The following CSMD1 variants were observed in gnomAD, a reference collection of about 807,000 sequenced individuals.
CSMD1 encodes CUB and sushi domain-containing protein 1.
Under a neutral mutation model 417.5 loss-of-function variants are expected in CSMD1, and 213 were observed. The ratio of observed to expected loss-of-function variants is 0.51; its 90% CI spans 0.46 to 0.57. The LOEUF (loss-of-function observed/expected upper bound fraction) is 0.57, where lower values mean the gene tolerates loss of function less well. CSMD1 is among the 20% of genes least tolerant of loss of function. CSMD1 has a pLI of 0.00. For synonymous variants in CSMD1, 2,862 were observed against 1,736.8 expected (o/e 1.65, Z -16.11); for missense variants, 6,923 against 4,529.7 (o/e 1.53, Z -15.17).
chr8:3,995,569 C>T (rs1563297546), intron 5 of CSMD1, among the ~76,000 whole-genome samples: 1 of 152,184 alleles, frequency 6.6e-6, no homozygotes, highest in African/African-American at 2.4e-5. Flanking sequence ...GAAGAAAATG[C>T]CGTGGAGTCA....
intron 10 of CSMD1, among the ~76,000 whole-genome samples, chr8:3,542,269 T>C (rs1193174839): frequency 6.6e-6 from 1 of 152,210 alleles, no homozygotes; most frequent in Non-Finnish European, 1.5e-5. Flanking sequence ...CTCTTTTATG[T>C]CATCTGAAGA....
intron 12 of CSMD1, among the ~76,000 whole-genome samples, chr8:3,465,298 G>A (rs1423884637): frequency 1.3e-5 from 2 of 152,146 alleles, no homozygotes; most frequent in African/African-American, 4.8e-5. Flanking sequence ...TCCATTAACT[G>A]AGTAGACCCT....
intron 1 of CSMD1, among the ~76,000 whole-genome samples, chr8:4,801,302 A>C (rs925624270): frequency 1.1e-4 from 17 of 152,132 alleles, no homozygotes; most frequent in Non-Finnish European, 7.3e-5. Flanking sequence ...ATGAAGTATC[A>C]CAGACAAGGA....
chr8:3,147,150 G>A (rs916531345), intron 40 of CSMD1, among the ~76,000 whole-genome samples: 1 of 152,176 alleles, frequency 6.6e-6, no homozygotes, highest in Admixed American at 6.6e-5. Flanking sequence ...TGTATGTTCA[G>A]ATACTAGAGA....
At chr8:4,786,942 A>C (rs2117214151) in intron 1 of CSMD1, among the ~76,000 whole-genome samples, 1 of 152,320 alleles carries the variant, frequency 6.6e-6, no homozygotes, top group East Asian at 1.9e-4. Context: ...CACTTTTTAA[A>C]TCTTAATGTT....
At chr8:4,029,371 A>T (rs141632870) in intron 4 of CSMD1, among the ~76,000 whole-genome samples, 2,818 of 152,312 alleles carry the variant, frequency 0.019, 40 homozygotes, top group Non-Finnish European at 0.026. Flanking sequence ...ATACAGTTCT[A>T]TATGGCTGGG....
intron 9 of CSMD1, among the ~76,000 whole-genome samples, chr8:3,577,086 G>C (rs1043333198): frequency 2.0e-5 from 3 of 152,144 alleles, no homozygotes; most frequent in Admixed American, 2.0e-4. Context: ...GACAAGGTGG[G>C]CTCAGCCTGT....
intron 12 of CSMD1, among the ~76,000 whole-genome samples, chr8:3,438,492 T>C (rs973360596): frequency 6.6e-6 from 1 of 152,212 alleles, no homozygotes; most frequent in African/African-American, 2.4e-5. Context: ...AAGAATGTTG[T>C]AGAAATGCAT....
intron 52 of CSMD1, among the ~76,000 whole-genome samples, chr8:3,003,708 GTGCGGACCTAGCAGGC>G (rs1281077962): frequency 1.3e-5 from 2 of 152,182 alleles, no homozygotes; most frequent in Non-Finnish European, 2.9e-5. Context: ...TCCTGAGGGT[GTGCGGACCTAGCAGGC>G]TGGGAACGAG....
chr8:4,702,481 G>A (rs1284249000), intron 1 of CSMD1, among the ~76,000 whole-genome samples: 1 of 152,114 alleles, frequency 6.6e-6, no homozygotes, highest in Admixed American at 6.5e-5. Context: ...CAGTCAAAAT[G>A]TTGCTGCTGT....
chr8:4,059,893 A>C (rs1200368566), intron 3 of CSMD1, among the ~76,000 whole-genome samples: 1 of 151,684 alleles, frequency 6.6e-6, no homozygotes, highest in Non-Finnish European at 1.5e-5. Context: ...ATTCCTTCTG[A>C]AACTATTCCA....
At chr8:3,508,715 T>C (rs1032526706) in intron 10 of CSMD1, among the ~76,000 whole-genome samples, 7 of 152,258 alleles carry the variant, frequency 4.6e-5, no homozygotes, top group African/African-American at 1.7e-4. Context: ...ATGTCATGAA[T>C]ATTTTAAAAT....
At chr8:3,034,537 T>C (rs1554494776) in intron 50 of CSMD1, among the ~76,000 whole-genome samples, 1 of 152,100 alleles carries the variant, frequency 6.6e-6, no homozygotes, top group Non-Finnish European at 1.5e-5. Context: ...TATAAACACA[T>C]AAAAACACAT....
chr8:4,651,756 C>T (rs1006277561), intron 1 of CSMD1, among the ~76,000 whole-genome samples: 1 of 152,170 alleles, frequency 6.6e-6, no homozygotes, highest in East Asian at 1.9e-4. Flanking sequence ...CATACCTACT[C>T]CCCATCTGTA....
chr8:4,218,633 C>T (rs566270207), intron 3 of CSMD1, among the ~76,000 whole-genome samples: 4 of 151,842 alleles, frequency 2.6e-5, no homozygotes, highest in Non-Finnish European at 4.4e-5. Context: ...TGTTTCATAC[C>T]GACAGTGATT....
At chr8:3,578,324 A>T (rs1018802192) in intron 9 of CSMD1, among the ~76,000 whole-genome samples, 5 of 152,122 alleles carry the variant, frequency 3.3e-5, no homozygotes, top group Non-Finnish European at 5.9e-5. Context: ...GTCCTTGCTC[A>T]GGGAGCTTTG....
intron 3 of CSMD1, among the ~76,000 whole-genome samples, chr8:4,311,628 C>G (rs13261681): frequency 0.063 from 9,370 of 149,652 alleles, 334 homozygotes; most frequent in African/African-American, 0.072. Context: ...GAAGCTTAGA[C>G]AGGAGAATTG....
chr8:4,293,095 A>T (rs945700334), intron 3 of CSMD1, among the ~76,000 whole-genome samples: 2 of 152,150 alleles, frequency 1.3e-5, no homozygotes, highest in South Asian at 2.1e-4. Flanking sequence ...GCACATGCGG[A>T]AACAGCAGGA....
Position 3,367,012 on chromosome 8 carries a change from A to G in CSMD1, c.3115+20T>C. 6.3e-7 allele frequency: 1 copy of G among 1,588,212 alleles called. No individual in the cohort carries two copies. Among genetic ancestry groups the G allele is most frequent in the South Asian group, 1.1e-5 (1 of 89,736 alleles). On this transcript the variant is annotated intron_variant, in intron 20 of 69. Coordinates refer to ENST00000635120, the MANE Select transcript of CSMD1 (RefSeq NM_033225.6). ...AGTATTGTTGCCAGAGGAGAGAAAC[A>G]GCAAACAAGACCAACATACCTGAAA...
Sources: allele counts gnomAD v4.1 joint callset (sites outside exome capture counted in the v4.1 genomes callset), GRCh38; gene constraint gnomAD v4.1.1; transcripts MANE v1.5; gene names NCBI Gene and HGNC (gene_info 2026-07-23, HGNC 2026-07-21).